GRIP2: variants seen among roughly 807,000 people sequenced by gnomAD.
GRIP2 encodes the protein glutamate receptor interacting protein 2.
Under a neutral mutation model 108.3 loss-of-function variants are expected in GRIP2, and 58 were observed. That is an observed-to-expected ratio of 0.54 (90% CI 0.43 to 0.67). The LOEUF (loss-of-function observed/expected upper bound fraction) is 0.67. GRIP2 is among the 30% of genes least tolerant of loss of function. GRIP2 has a pLI of 0.00. For missense variants in GRIP2, 1,278 were observed against 1,430.6 expected (o/e 0.89, Z 1.72); for synonymous variants, 586 against 598.2 (o/e 0.98, Z 0.30).
chr3:14,573,833 T>C, the GRIP2 span: 28 of 1,484,048 alleles, frequency 1.9e-5, no homozygotes, highest in Admixed American at 4.7e-4. Context: ...AATGGATGGG[T>C]CACTTCACCC....
intron 1 of GRIP2, among the ~76,000 whole-genome samples, chr3:14,534,495 G>A (rs1227365975): frequency 2.0e-5 from 3 of 151,930 alleles, no homozygotes; most frequent in Admixed American, 6.5e-5. Flanking sequence ...AGCTGGAAAC[G>A]TGCATAAAAA....
At chr3:14,555,137 C>T (rs1412509725) in intron 1 of GRIP2, among the ~76,000 whole-genome samples, 14 of 152,150 alleles carry the variant, frequency 9.2e-5, no homozygotes, top group Non-Finnish European at 1.5e-5. Flanking sequence ...CTCTGAGGGG[C>T]TGAGCATGTG....
intron 23 of GRIP2, 28 bp from the exon 24 acceptor site, chr3:14,493,854 A>G: frequency 6.3e-7 from 1 of 1,595,220 alleles, no homozygotes; most frequent in Non-Finnish European, 8.6e-7. Flanking sequence ...AAGGGAACAG[A>G]ACCGAGATGT....
At chr3:14,602,363 C>G in the GRIP2 span, 2 of 152,064 alleles carry the variant, frequency 1.3e-5, no homozygotes, top group African/African-American at 4.8e-5. This position sits in a 1 kb window ranked among gnomAD's most constrained non-coding sequence, Gnocchi z 4.7. Context: ...AGCCCCCTCC[C>G]TGGCCTCCTC....
At chr3:14,594,530 C>G in the GRIP2 span, among the ~76,000 whole-genome samples, 13 of 152,188 alleles carry the variant, frequency 8.5e-5, no homozygotes, top group Admixed American at 7.2e-4. Context: ...GACTCAGTCT[C>G]TTGGGATCAA....
Position 14,522,579 on chromosome 3 carries a change from G to A in GRIP2, c.566+421C>T, listed in dbSNP as rs571095241. 226 of 163,866 alleles carry A rather than the reference G, an allele frequency of 1.4e-3. 2 individuals carry two copies. Among genetic ancestry groups the A allele is most frequent in the Non-Finnish European group, 2.6e-3 (197 of 74,816 alleles). The allele number at this position is 163,866 out of a possible 1,614,324, so 10.2% of individuals were successfully genotyped here. On this transcript the variant is annotated intron_variant, in intron 6 of 23. Transcript: ENST00000621039. The surrounding 1 kb of genome is among the most constrained non-coding windows in gnomAD (Gnocchi z 4.3). Reference sequence around the variant, plus strand: ...CTCTCCTCCTGGCCCTTCTGGGCTGGGCCCAGGCGGGGCCGAGCTGGGTCG... The same window carrying A: ...CTCTCCTCCTGGCCCTTCTGGGCTGAGCCCAGGCGGGGCCGAGCTGGGTCG...
chr3:14,577,683 C>T, the GRIP2 span, among the ~76,000 whole-genome samples: 1 of 152,242 alleles, frequency 6.6e-6, no homozygotes, highest in Non-Finnish European at 1.5e-5. Context: ...TGGGAAGACA[C>T]TGACCAACAG....
chr3:14,582,760 A>G, the GRIP2 span, among the ~76,000 whole-genome samples: 1 of 152,174 alleles, frequency 6.6e-6, no homozygotes, highest in African/African-American at 2.4e-5. Context: ...CTCCCTCTCT[A>G]TCCCCTGATT....
chr3:14,517,933 G>T, intron 9 of GRIP2, 36 bp from the exon 10 acceptor site: 1 of 1,499,944 alleles, frequency 6.7e-7, no homozygotes, highest in Non-Finnish European at 8.9e-7. Flanking sequence ...GAGAGGTGCA[G>T]GCGTTAGTGG....
chr3:14,566,656 G>C, the GRIP2 span, among the ~76,000 whole-genome samples: 1 of 152,188 alleles, frequency 6.6e-6, no homozygotes, highest in East Asian at 1.9e-4. Flanking sequence ...CATCCGTGTT[G>C]CTCACCAAGC....
intron 1 of GRIP2, among the ~76,000 whole-genome samples, chr3:14,547,414 C>A (rs1336988229): frequency 6.6e-6 from 1 of 152,224 alleles, no homozygotes; most frequent in Non-Finnish European, 1.5e-5. Context: ...TAAGATTATA[C>A]AGAGCCAGAT....
rs935653857 is a variant in GRIP2 at position 14,493,308 on chromosome 3, T to G, written c.*357A>C. On this transcript the variant is annotated 3_prime_UTR_variant, in exon 24 of 24. Coordinates refer to ENST00000621039, the MANE Select transcript of GRIP2 (RefSeq NM_001080423.4). ...CCATGGCTTTGCTGGGAGGAAGTGCTCCCTACATCTTCGACCTCTCCAAGG... is the reference window on the plus strand; with the variant it reads ...CCATGGCTTTGCTGGGAGGAAGTGCGCCCTACATCTTCGACCTCTCCAAGG... 4 of 228,770 alleles carry G rather than the reference T, an allele frequency of 1.7e-5. No individual in the cohort carries two copies. Among genetic ancestry groups the G allele is most frequent in the Non-Finnish European group, 3.4e-5 (4 of 117,882 alleles). 14.2% of individuals were successfully genotyped at this position (228,770 alleles called of 1,614,324 possible).
intron 11 of GRIP2, among the ~76,000 whole-genome samples, chr3:14,515,728 C>T (rs1044706870): frequency 3.9e-5 from 6 of 152,032 alleles, no homozygotes; most frequent in African/African-American, 1.2e-4. Context: ...CTCCGCCTCC[C>T]GGGTTCAAGC....
At chr3:14,555,009 G>A (rs1695211965) in intron 1 of GRIP2, among the ~76,000 whole-genome samples, 1 of 152,020 alleles carries the variant, frequency 6.6e-6, no homozygotes, top group Non-Finnish European at 1.5e-5. Context: ...TCCCCGTGCT[G>A]TAGATGGAGA....
At chr3:14,498,890 T>C (rs1158055509) in intron 21 of GRIP2, among the ~76,000 whole-genome samples, 2 of 152,188 alleles carry the variant, frequency 1.3e-5, no homozygotes, top group Non-Finnish European at 2.9e-5. Flanking sequence ...TGGAAGTTAG[T>C]GGCCCATGGA....
intron 1 of GRIP2, among the ~76,000 whole-genome samples, chr3:14,549,490 G>A (rs963338886): frequency 6.6e-6 from 1 of 152,210 alleles, no homozygotes; most frequent in African/African-American, 2.4e-5. Flanking sequence ...TGAACACGGT[G>A]GTGGCCATTC....
the GRIP2 span, among the ~76,000 whole-genome samples, chr3:14,567,550 G>T: frequency 6.6e-6 from 1 of 152,170 alleles, no homozygotes; most frequent in African/African-American, 2.4e-5. Context: ...GGAAAACCAG[G>T]GGTGATAACA....
intron 1 of GRIP2, among the ~76,000 whole-genome samples, chr3:14,555,208 G>A (rs1021469902): frequency 2.0e-5 from 3 of 152,124 alleles, no homozygotes; most frequent in African/African-American, 7.2e-5. Context: ...CCAGAGCCAG[G>A]CAGCCTTCAC....
Position 14,520,547 on chromosome 3 carries a change from C to A in GRIP2, c.713-10G>T. The A allele has an allele frequency of 2.5e-6, 4 of 1,613,352 alleles. No individual in the cohort carries two copies. Among genetic ancestry groups the A allele is most frequent in the Non-Finnish European group, 3.4e-6 (4 of 1,179,532 alleles). On this transcript the variant is annotated splice_polypyrimidine_tract_variant and intron_variant, in intron 7 of 23. Coordinates refer to ENST00000621039, the MANE Select transcript of GRIP2 (RefSeq NM_001080423.4). ...GCATTAGCCACCGTGTCTGGCATGA[C>A]GGAGAAAAAAAGTTTGAAATGCAAA...
Sources: gnomAD v4.1 joint callset for allele counts (sites outside exome capture counted in the v4.1 genomes callset) on GRCh38, gnomAD v4.1.1 for gene constraint, Gnocchi (gnomAD v3.1) non-coding constraint, MANE v1.5 for transcripts, NCBI Gene and HGNC (gene_info 2026-07-23, HGNC 2026-07-21) for gene names.